Variants in TLR10 observed in about 807,000 individuals in gnomAD.
TLR10 encodes the protein toll like receptor 10, also known as toll-like receptor 10.
For missense variants in TLR10, 929 were observed against 932.9 expected (o/e 1.00, Z 0.05); for synonymous variants, 288 against 338.8 (o/e 0.85, Z 1.65).
chr4:38,776,958 T>TAAA (rs1725093126), intron 1 of TLR10, among the ~76,000 whole-genome samples: 1 of 152,156 alleles, frequency 6.6e-6, no homozygotes, highest in African/African-American at 2.4e-5. Flanking sequence ...CTCCTCTTTA[T>TAAA]AAAACCACCA....
In TLR10 at chr4:38,774,855, C is replaced by T. The variant is rs1338538678; in HGVS notation, c.736G>A (p.Val246Ile). The T allele has an allele frequency of 6.2e-7, 1 of 1,602,572 alleles. No homozygotes were observed. The highest frequency in any genetic ancestry group is 8.5e-7 in the Non-Finnish European group (1 of 1,175,004). Residue 246 changes from valine to isoleucine, a missense_variant, in exon 4 of 4, where the codon GTT becomes ATT. Val to Ile is a conservative substitution (Grantham distance 29). Transcript: ENST00000308973. ...AAATCAACTTTATTAAGCAATAGAA[C>T]CGATGTCTTAGCATTTTCTAAACTA... ...NLSLENAKTS[V>I]LLLNKVDLLW...
rs534304861 is a variant in TLR10, at chr4:38,775,217, G to A, written c.374C>T (p.Ser125Phe). Residue 125 changes from serine to phenylalanine, a missense_variant, in exon 4 of 4, where the codon TCT becomes TTT. Physicochemically the swap from Ser to Phe is radical, Grantham distance 155 (BLOSUM62 -2). Transcript: ENST00000308973. ...LLAGLRYLDL[S>F]FNDFDTMPIC... ...AGGCATGGTGTCAAAGTCATTAAAAGAAAGATCTAAATACCTGAGACCTGC... is the reference window on the plus strand; with the variant it reads ...AGGCATGGTGTCAAAGTCATTAAAAAAAAGATCTAAATACCTGAGACCTGC... 1 of 1,612,662 alleles carries A rather than the reference G, an allele frequency of 6.2e-7. No individual in the cohort carries two copies. The highest frequency in any genetic ancestry group is 8.5e-7 in the Non-Finnish European group (1 of 1,179,598).
At chr4:38,780,451 T>C (rs1303485402) in intron 1 of TLR10, among the ~76,000 whole-genome samples, 1 of 151,554 alleles carries the variant, frequency 6.6e-6, no homozygotes, top group Non-Finnish European at 1.5e-5. Context: ...GGATCTGTGT[T>C]CAAATCCAAT....
At chr4:38,777,643 T>C (rs1251206788) in intron 1 of TLR10, among the ~76,000 whole-genome samples, 2 of 152,096 alleles carry the variant, frequency 1.3e-5, no homozygotes, top group East Asian at 3.8e-4. Flanking sequence ...GTGAAGGATA[T>C]GAACAGGCAC....
chr4:38,777,887 G>A (rs1028771774), intron 1 of TLR10, among the ~76,000 whole-genome samples: 10 of 152,186 alleles, frequency 6.6e-5, no homozygotes, highest in African/African-American at 2.4e-4. Flanking sequence ...GGAAGACAAT[G>A]TGGCGATTCC....
At chr4:38,776,793 T>C (rs1238893148) in intron 1 of TLR10, among the ~76,000 whole-genome samples, 3 of 152,184 alleles carry the variant, frequency 2.0e-5, no homozygotes, top group Admixed American at 6.5e-5. Context: ...TAGAAAGAAG[T>C]TAAGAAAAGA....
rs144791923 is a variant in TLR10 at position 38,775,270 on chromosome 4, T to C, written c.321A>G (p.Arg107=). ...ELRYLDLSNN[R]LKSVTWYLLA... ...GTAAATACCAAGTTACACTCTTCAGTCTGTTATTAGACAAATCTAAATATC... is the reference window on the plus strand; with the variant it reads ...GTAAATACCAAGTTACACTCTTCAGCCTGTTATTAGACAAATCTAAATATC... The change falls in exon 4 of 4, where the codon AGA becomes AGG. Residue 107 remains arginine, a synonymous_variant. Coordinates refer to ENST00000308973, the MANE Select transcript of TLR10 (RefSeq NM_030956.4). 1.2e-6 allele frequency: 2 copies of C among 1,614,022 alleles called. No homozygotes were observed. The highest frequency in any genetic ancestry group is 1.7e-6 in the Non-Finnish European group (2 of 1,179,974).
Position 38,773,238 on chromosome 4 carries a change from T to C in TLR10, c.2353A>G (p.Met785Val), listed in dbSNP as rs774318753. The change falls in exon 4 of 4, where the codon ATG becomes GTG. Residue 785 changes from methionine to valine, a missense_variant. Physicochemically the swap from Met to Val is conservative, Grantham distance 21. Transcript: ENST00000308973. ...TCTGTGAATGTCTGCAGTTCATACA[T>C]TTCTCTGGTGGCTAATACATTAACA... ...INVNVLATRE[M>V]YELQTFTELN... 6.2e-7 allele frequency: 1 copy of C among 1,604,502 alleles called. No individual in the cohort carries two copies. Among genetic ancestry groups the C allele is most frequent in the East Asian group, 2.2e-5 (1 of 44,848 alleles).
intron 1 of TLR10, among the ~76,000 whole-genome samples, chr4:38,780,029 T>C (rs1226322525): frequency 6.6e-6 from 1 of 152,228 alleles, no homozygotes; most frequent in Non-Finnish European, 1.5e-5. Flanking sequence ...TGATGCATAA[T>C]ATGCTCTCAT....
In TLR10 at chr4:38,772,710, C is replaced by T. The variant is rs150599347; in HGVS notation, c.*445G>A. 0.026 allele frequency: 3,969 copies of T among 151,998 alleles called. 125 individuals are homozygous for T. The highest frequency in any genetic ancestry group is 0.075 in the African/African-American group (3,088 of 41,286). 9.4% of individuals were successfully genotyped at this position (151,998 alleles called of 1,614,324 possible). A position where few individuals can be genotyped will look rare whatever the true frequency, so the allele number is the denominator to read the frequency against. On this transcript the variant is annotated 3_prime_UTR_variant, in exon 4 of 4. Coordinates refer to ENST00000308973, the MANE Select transcript of TLR10 (RefSeq NM_030956.4). ...CGATCTCAGCTCACTGCAACTGCCA[C>T]CTCCCGGGTTCAAGCGATTCTCCTG...
rs11096956 is a variant in TLR10, at chr4:38,774,559, C to A, written c.1032G>T (p.Pro344=). The stretch of plus-strand genomic sequence containing the variant: ...AATATTGGAATTTCGTAGGATAATT[C>A]GGGAAAAGCATGTGTGGCATTTGTG... ...SNAQMPHMLF[P]NYPTKFQYLN... The change falls in exon 4 of 4, where the codon CCG becomes CCT. Residue 344 remains proline (P), a synonymous_variant. Coordinates refer to ENST00000308973, the MANE Select transcript of TLR10 (RefSeq NM_030956.4). 0.21 allele frequency: 341,141 copies of A among 1,591,732 alleles called. 42,029 individuals are homozygous for A. The highest frequency in any genetic ancestry group is 0.48 in the East Asian group (21,579 of 44,686).
In TLR10 at chr4:38,773,003, G is replaced by C. The variant is rs1724728090; in HGVS notation, c.*152C>G. ...TAAACTTGTGAAGGTGTTTCTATAG[G>C]ATACATTCTTAGAAATCCTTCTAGA... is the stretch of plus-strand genomic sequence containing the variant. On this transcript the variant is annotated 3_prime_UTR_variant, in exon 4 of 4. Coordinates refer to ENST00000308973, the MANE Select transcript of TLR10 (RefSeq NM_030956.4). 4 of 679,640 alleles carry C rather than the reference G, an allele frequency of 5.9e-6. No homozygotes were observed. Among genetic ancestry groups the C allele is most frequent in the Non-Finnish European group, 8.7e-6 (4 of 461,050 alleles). The allele number at this position is 679,640 out of a possible 1,614,324, so 42.1% of individuals were successfully genotyped here.
At chr4:38,780,891 T>A (rs945769503) in intron 1 of TLR10, among the ~76,000 whole-genome samples, 2 of 152,192 alleles carry the variant, frequency 1.3e-5, no homozygotes, top group African/African-American at 4.8e-5. Flanking sequence ...TTTAATGTTA[T>A]CCTCTCATAG....
In TLR10 at chr4:38,774,035, G is replaced by A. The variant is rs149319935; in HGVS notation, c.1556C>T (p.Ala519Val). 6.3e-5 allele frequency: 101 copies of A among 1,608,806 alleles called. 1 individual carries two copies. Among genetic ancestry groups the A allele is most frequent in the African/African-American group, 4.1e-4 (31 of 74,788 alleles). The change falls in exon 4 of 4, where the codon GCG becomes GTG. Residue 519 changes from alanine to valine, a missense_variant. Physicochemically the swap from Ala to Val is moderately conservative, Grantham distance 64. Coordinates refer to ENST00000308973, the MANE Select transcript of TLR10 (RefSeq NM_030956.4). ...GGTACACCGGAATGGATTTCTTCCC[G>A]CATTTAGAGTTTTAACTTCCTGGCA... Reference protein sequence around the residue: ...QSCQEVKTLNAGRNPFRCTCE... With the variant: ...QSCQEVKTLNVGRNPFRCTCE...
At position 38,773,632 on chromosome 4, in the gene TLR10, G is replaced by A; in HGVS notation, c.1959C>T (p.Ile653=). The A allele has an allele frequency of 1.2e-6, 2 of 1,603,100 alleles. No homozygotes were observed. Among genetic ancestry groups the A allele is most frequent in the South Asian group, 1.1e-5 (1 of 88,762 alleles). Reference sequence around the variant, plus strand: ...AACCATCTTCCTTCTCTAGATTGGGGATCAATTCATTCTTCACCCACAGAG... The same window carrying A: ...AACCATCTTCCTTCTCTAGATTGGGAATCAATTCATTCTTCACCCACAGAG... ...HDSLWVKNEL[I]PNLEKEDGSI... is the part of the protein sequence containing the mutation. Residue 653 remains isoleucine (I), a synonymous_variant, in exon 4 of 4, where the codon ATC becomes ATT. Transcript: ENST00000308973.
rs200637023 is a variant in TLR10 at position 38,775,099 on chromosome 4, A to T, written c.492T>A (p.His164Gln). 18 of 1,613,108 alleles carry T rather than the reference A, an allele frequency of 1.1e-5. No individual in the cohort carries two copies. Among genetic ancestry groups the T allele is most frequent in the Admixed American group, 3.3e-5 (2 of 60,004 alleles). ...IQKSDFQKIA[H>Q]LHLNTVFLGF... ...CTAAGAAGACAGTATTTAGATGCAG[A>T]TGAGCAATTTTCTGGAAATCTGATT... The change falls in exon 4 of 4, where the codon CAT (histidine) becomes CAA (glutamine). Residue 164 changes from histidine (H) to glutamine (Q), a missense_variant. Coordinates refer to ENST00000308973, the MANE Select transcript of TLR10 (RefSeq NM_030956.4).
Position 38,773,712 on chromosome 4 carries a change from G to T in TLR10, c.1879C>A (p.Gln627Lys), listed in dbSNP as rs1258177048. The change falls in exon 4 of 4, where the codon CAA becomes AAA. Residue 627 changes from glutamine to lysine, a missense_variant. Physicochemically the swap from Gln to Lys is moderately conservative, Grantham distance 53 (BLOSUM62 1). Transcript: ENST00000308973. ...WHRVRKTTQE[Q>K]LKRNVRFHAF... is the part of the protein sequence containing the mutation. ...TGGAATCGGACATTTCTCTTGAGTT[G>T]TTCTTGGGTTGTTTTCCTAACCCTG... is the stretch of plus-strand genomic sequence containing the variant. 42 of 1,613,800 alleles carry T rather than the reference G, an allele frequency of 2.6e-5. No individual in the cohort carries two copies. The highest frequency in any genetic ancestry group is 3.5e-5 in the Non-Finnish European group (41 of 1,179,960).
chr4:38,781,741 A>G (rs1215610359), intron 1 of TLR10, among the ~76,000 whole-genome samples: 2 of 152,190 alleles, frequency 1.3e-5, no homozygotes, highest in Non-Finnish European at 2.9e-5. Flanking sequence ...TCTTTTCCCA[A>G]TGATATAAAG....
At position 38,773,995 on chromosome 4, in the gene TLR10, A is replaced by G; in HGVS notation, c.1596T>C (p.Asn532=). 6.3e-7 allele frequency: 1 copy of G among 1,593,776 alleles called. No individual in the cohort carries two copies. Among genetic ancestry groups the G allele is most frequent in the Non-Finnish European group, 8.6e-7 (1 of 1,169,162 alleles). The change falls in exon 4 of 4, where the codon AAT becomes AAC. Residue 532 remains asparagine, a synonymous_variant. Coordinates refer to ENST00000308973, the MANE Select transcript of TLR10 (RefSeq NM_030956.4). ...NPFRCTCELK[N]FIQLETYSEV... ...CTGAATATGTTTCAAGCTGAATGAA[A>G]TTTTTTAATTCACAGGTACACCGGA...
Sources: gnomAD v4.1 joint callset for allele counts (sites outside exome capture counted in the v4.1 genomes callset) on GRCh38, gnomAD v4.1.1 for gene constraint, MANE v1.5 for transcripts, NCBI Gene and HGNC (gene_info 2026-07-23, HGNC 2026-07-21) for gene names.